SMYD3: variants seen among roughly 807,000 people sequenced by gnomAD.
The protein encoded by SMYD3 is SET and MYND domain containing 3.
A neutral mutation model predicts 57.7 loss-of-function variants in SMYD3; 36 were observed. The observed-to-expected ratio is 0.62, with a 90% CI of 0.48 to 0.82. The LOEUF is 0.82. Among genes scored for constraint, SMYD3 ranks in the 40% least tolerant of loss-of-function variants. The pLI, the probability that SMYD3 is intolerant of heterozygous loss-of-function variation, is 0.00. For synonymous variants in SMYD3, 211 were observed against 195.0 expected, an observed-to-expected ratio of 1.08 and a Z score of -0.68; for missense variants, 515 against 538.8, an observed-to-expected ratio of 0.96 and a Z score of 0.44.
intron 10 of SMYD3, among the ~76,000 whole-genome samples, chr1:245,817,205 C>G (rs373510646): frequency 7.9e-4 from 116 of 146,848 alleles, no homozygotes; most frequent in South Asian, 1.1e-3. Flanking sequence ...GATCTGAGAA[C>G]GGGCAGACTG....
At chr1:245,865,095 G>C (rs2051760119) in intron 8 of SMYD3, among the ~76,000 whole-genome samples, 1 of 152,184 alleles carries the variant, frequency 6.6e-6, no homozygotes, top group Non-Finnish European at 1.5e-5. Flanking sequence ...ATGAATGACT[G>C]AAAACCACAT....
At chr1:246,371,657 C>G (rs116649217) in intron 1 of SMYD3, among the ~76,000 whole-genome samples, 1,898 of 152,268 alleles carry the variant, frequency 0.012, 46 homozygotes, top group African/African-American at 0.043. Context: ...ATTTTCATAA[C>G]ATACTATGAC....
chr1:245,874,840 G>A (rs2052402916), intron 8 of SMYD3, among the ~76,000 whole-genome samples: 1 of 152,242 alleles, frequency 6.6e-6, no homozygotes, highest in Non-Finnish European at 1.5e-5. Context: ...CCTTGAAGCT[G>A]GAGGGTGGGT....
At chr1:246,194,226 A>AT (rs35469579) in intron 5 of SMYD3, among the ~76,000 whole-genome samples, 54 of 151,276 alleles carry the variant, frequency 3.6e-4, no homozygotes, top group Admixed American at 1.9e-3. Flanking sequence ...AAAAGTAAAC[A>AT]TTTTTTTGAA....
At chr1:246,430,965 A>G (rs1012051333) in intron 1 of SMYD3, among the ~76,000 whole-genome samples, 1 of 152,212 alleles carries the variant, frequency 6.6e-6, no homozygotes, top group Admixed American at 6.5e-5. Flanking sequence ...CCAGTTTCAC[A>G]GCAAGATAGA....
At chr1:246,140,817 A>C (rs1572096025) in intron 5 of SMYD3, among the ~76,000 whole-genome samples, 1 of 150,740 alleles carries the variant, frequency 6.6e-6, no homozygotes, top group Admixed American at 6.6e-5. Flanking sequence ...CTGCTCTTGA[A>C]CTCCTGGCCT....
At chr1:246,488,984 CCT>C (rs146973433) in intron 1 of SMYD3, among the ~76,000 whole-genome samples, 29 of 150,174 alleles carry the variant, frequency 1.9e-4, no homozygotes, top group East Asian at 9.7e-4. Flanking sequence ...TTTAACAAGT[CCT>C]CTCTCTCTCT....
rs139007085 is a variant in SMYD3 at position 246,167,614 on chromosome 1, G to A, written c.531+159587C>T. Among the ~76,000 whole-genome samples the A allele has an allele frequency of 5.1e-3, 769 of 151,490 alleles. 7 individuals carry two copies. The highest frequency in any genetic ancestry group is 0.018 in the African/African-American group (727 of 41,256). The stretch of plus-strand genomic sequence containing the variant: ...CAACCTCTGCCTCCCGGGTTCAAGC[G>A]ATTCTCCTGCCTCGACCTCCCGAGT... On this transcript the variant is annotated intron_variant, in intron 5 of 11. Transcript: ENST00000490107.
intron 1 of SMYD3, among the ~76,000 whole-genome samples, chr1:246,383,278 G>A (rs188461449): frequency 6.6e-6 from 1 of 152,360 alleles, no homozygotes; most frequent in Admixed American, 6.5e-5. Flanking sequence ...TTGAATGAGT[G>A]TTGGGGATGG....
At chr1:245,953,950 A>C (rs1415978042) in intron 5 of SMYD3, among the ~76,000 whole-genome samples, 3 of 152,248 alleles carry the variant, frequency 2.0e-5, no homozygotes, top group Admixed American at 2.0e-4. Context: ...GATTATTTTA[A>C]TTTTAAAAAG....
intron 2 of SMYD3, among the ~76,000 whole-genome samples, chr1:246,346,122 A>C (rs1398567743): frequency 6.6e-6 from 1 of 152,126 alleles, no homozygotes; most frequent in Non-Finnish European, 1.5e-5. Flanking sequence ...ATCTCTACTA[A>C]AAATACAAAA....
intron 5 of SMYD3, among the ~76,000 whole-genome samples, chr1:246,078,094 C>T (rs1035148177): frequency 6.6e-6 from 1 of 151,876 alleles, no homozygotes; most frequent in Admixed American, 6.6e-5. Context: ...AATATAAGTG[C>T]TCTTACTGTA....
Position 246,198,981 on chromosome 1 carries a change from C to T in SMYD3, c.531+128220G>A, listed in dbSNP as rs141723128. Among the ~76,000 whole-genome samples the T allele has an allele frequency of 1.7e-3, 262 of 152,202 alleles. 1 individual carries two copies. The highest frequency in any genetic ancestry group is 6.2e-3 in the African/African-American group (257 of 41,522). On this transcript the variant is annotated intron_variant, in intron 5 of 11. Transcript: ENST00000490107. ...AAATTTTTGCTTATAATTTCAACTTCTATTTTAGATTCGGGGGTACATCCA... is the reference window on the plus strand; with the variant it reads ...AAATTTTTGCTTATAATTTCAACTTTTATTTTAGATTCGGGGGTACATCCA...
chr1:245,957,317 A>G (rs969175084), intron 5 of SMYD3, among the ~76,000 whole-genome samples: 1 of 152,146 alleles, frequency 6.6e-6, no homozygotes, highest in Admixed American at 6.5e-5. Flanking sequence ...TAAAGCTGAC[A>G]TGTCACCCTT....
At chr1:245,817,308 G>C (rs932755383) in intron 10 of SMYD3, among the ~76,000 whole-genome samples, 1 of 144,184 alleles carries the variant, frequency 6.9e-6, no homozygotes, top group Non-Finnish European at 1.5e-5. Context: ...ACATGGCAGG[G>C]TATTCCAACA....
chr1:246,240,651 A>G (rs12064279), intron 5 of SMYD3, among the ~76,000 whole-genome samples: 40,521 of 152,004 alleles, frequency 0.27, 6,101 homozygotes, highest in East Asian at 0.58. Flanking sequence ...GCTTGATGGC[A>G]ATAGCATTGA....
chr1:246,081,183 C>A (rs2060632162), intron 5 of SMYD3, among the ~76,000 whole-genome samples: 2 of 152,134 alleles, frequency 1.3e-5, no homozygotes, highest in Non-Finnish European at 2.9e-5. Context: ...TGGTTACCTT[C>A]AAAATCTAAA....
intron 7 of SMYD3, among the ~76,000 whole-genome samples, chr1:245,924,585 T>C (rs536209371): frequency 2.0e-5 from 3 of 151,534 alleles, no homozygotes; most frequent in Non-Finnish European, 4.4e-5. Context: ...CATATTCCCT[T>C]CCTTTCAGGA....
At chr1:246,438,447 T>C (rs1276616406) in intron 1 of SMYD3, among the ~76,000 whole-genome samples, 1 of 152,026 alleles carries the variant, frequency 6.6e-6, no homozygotes, top group Non-Finnish European at 1.5e-5. Flanking sequence ...AAAAACGAAG[T>C]CAACTCAGGA....
Sources: allele counts gnomAD v4.1 joint callset (sites outside exome capture counted in the v4.1 genomes callset), GRCh38; gene constraint gnomAD v4.1.1; transcripts MANE v1.5; gene names NCBI Gene and HGNC (gene_info 2026-07-23, HGNC 2026-07-21).